Variants in BCL6 observed in about 807,000 individuals in gnomAD.
The protein encoded by BCL6 is BCL6 transcription repressor.
BCL6 carries 7 observed loss-of-function variants against 59.5 expected under a neutral mutation model. The ratio of observed to expected loss-of-function variants is 0.12; its 90% CI spans 0.07 to 0.22. The LOEUF is 0.22. BCL6 is among the 10% of genes least tolerant of loss of function. The pLI, the probability that BCL6 is intolerant of heterozygous loss-of-function variation, is 1.00. For missense variants in BCL6, 685 were observed against 939.4 expected (o/e 0.73, Z 3.54); for synonymous variants, 339 against 349.7 (o/e 0.97, Z 0.34).
chr3:187,732,525 G>A (rs771517891), intron 3 of BCL6: 39 of 181,688 alleles, frequency 2.1e-4, no homozygotes, highest in Admixed American at 4.2e-4. Context: ...GTCTGGTGGT[G>A]GAAAGAGTAC....
At chr3:187,731,992 A>C in intron 3 of BCL6, 62 bp from the exon 4 acceptor site, 1 of 1,408,656 alleles carries the variant, frequency 7.1e-7, no homozygotes, top group Non-Finnish European at 9.9e-7. Context: ...CCTTACAGTC[A>C]GCACTGATAC....
intron 9 of BCL6, among the ~76,000 whole-genome samples, chr3:187,724,361 G>T (rs368143118): frequency 2.0e-5 from 3 of 152,124 alleles, no homozygotes; most frequent in Admixed American, 6.5e-5. Context: ...TATAGCTGCC[G>T]AGACCCCGCC....
At chr3:187,745,297 A>G (rs1711897299) in intron 1 of BCL6, 113 bp downstream of exon 1, 4 of 399,090 alleles carry the variant, frequency 1.0e-5, no homozygotes, top group East Asian at 7.1e-5. Context: ...AAAAAAAAAG[A>G]ATTAAAAGGT....
intron 1 of BCL6, among the ~76,000 whole-genome samples, chr3:187,743,811 C>T (rs1174374063): frequency 1.3e-5 from 2 of 151,816 alleles, no homozygotes; most frequent in African/African-American, 4.8e-5. Flanking sequence ...GGGCCGCCGC[C>T]GCCGCGCCTT....
rs1281188406 is a variant in BCL6, at chr3:187,733,196, A to T, written c.161+337T>A. On this transcript the variant is annotated intron_variant, in intron 3 of 9. Coordinates refer to ENST00000406870, the MANE Select transcript of BCL6 (RefSeq NM_001706.5). ...ATTAACTTGCTTAAGCTACTTAAAGACAAAGAAAGTTCATTTGAAATCTTT... is the reference window on the plus strand; with the variant it reads ...ATTAACTTGCTTAAGCTACTTAAAGTCAAAGAAAGTTCATTTGAAATCTTT... 5.3e-5 allele frequency among the ~76,000 whole-genome samples: 8 copies of T among 152,200 alleles called. No homozygotes were observed. The East Asian group carries it at 1.5e-3, about 29-fold the overall frequency.
At chr3:187,739,563 G>T (rs1047096208) in intron 1 of BCL6, among the ~76,000 whole-genome samples, 3 of 152,310 alleles carry the variant, frequency 2.0e-5, no homozygotes, top group African/African-American at 7.2e-5. Flanking sequence ...TTTCTATCAC[G>T]TTTCCTGCCA....
intron 1 of BCL6, among the ~76,000 whole-genome samples, chr3:187,744,988 G>A (rs1576886088): frequency 2.0e-5 from 3 of 151,726 alleles, no homozygotes; most frequent in South Asian, 2.1e-4. Context: ...CCCAAGCACT[G>A]TCTCGTCCTC....
intron 4 of BCL6, 140 bp downstream of exon 4, chr3:187,731,569 A>C: frequency 1.2e-6 from 1 of 819,540 alleles, no homozygotes; most frequent in South Asian, 1.7e-5. Flanking sequence ...TAAGAAGAGC[A>C]GAAGTGTGCA....
At chr3:187,744,425 G>C (rs1357513954) in intron 1 of BCL6, among the ~76,000 whole-genome samples, 1 of 151,454 alleles carries the variant, frequency 6.6e-6, no homozygotes, top group East Asian at 2.0e-4. Flanking sequence ...AACCAAGAAA[G>C]AATAATTTTC....
chr3:187,722,061 C>T lies in BCL6; in HGVS notation c.*397G>A, dbSNP rs1718447217. 4.8e-5 allele frequency: 11 copies of T among 229,878 alleles called. No homozygotes were observed. The South Asian group carries it at 1.8e-3, about 38-fold the overall frequency. The allele number at this position is 229,878 out of a possible 1,614,324, so 14.2% of individuals were successfully genotyped here. On this transcript the variant is annotated 3_prime_UTR_variant, in exon 10 of 10. Transcript: ENST00000406870. Reference sequence around the variant, plus strand: ...CTTTGACAACATACTGAAGTCTTGTCTTTTAAAAGAATGCACATTTACATA... The same window carrying T: ...CTTTGACAACATACTGAAGTCTTGTTTTTTAAAAGAATGCACATTTACATA...
rs530312701 is a variant in BCL6 at position 187,726,944 on chromosome 3, G to A, written c.1541-46C>T. The A allele has an allele frequency of 3.1e-6, 5 of 1,603,694 alleles. No individual in the cohort carries two copies. The African/African-American group carries it at 4.0e-5, about 13-fold the overall frequency. On this transcript the variant is annotated intron_variant, in intron 6 of 9. Coordinates refer to ENST00000406870, the MANE Select transcript of BCL6 (RefSeq NM_001706.5). ...GACACCAAAGTCAGCACGAGGAAGG[G>A]AGGTAGGGCTCTAAGGCCGCTCTCC...
chr3:187,742,221 T>C (rs1711632048), intron 1 of BCL6, among the ~76,000 whole-genome samples: 1 of 152,176 alleles, frequency 6.6e-6, no homozygotes, highest in Non-Finnish European at 1.5e-5. Context: ...CCGCCTCCTC[T>C]ATATCTCTTA....
chr3:187,740,683 T>C (rs1314063569), intron 1 of BCL6, among the ~76,000 whole-genome samples: 1 of 152,190 alleles, frequency 6.6e-6, no homozygotes, highest in Non-Finnish European at 1.5e-5. Context: ...CGGGCCTGTT[T>C]CCTCAACTGC....
intron 1 of BCL6, among the ~76,000 whole-genome samples, chr3:187,744,177 C>A (rs1711755526): frequency 6.6e-6 from 1 of 152,188 alleles, no homozygotes; most frequent in African/African-American, 2.4e-5. Flanking sequence ...TGGGAGCCAA[C>A]ACAGAGTCAC....
intron 1 of BCL6, among the ~76,000 whole-genome samples, chr3:187,744,549 T>G (rs139122438): frequency 3.9e-5 from 6 of 152,142 alleles, no homozygotes; most frequent in South Asian, 2.1e-4. Flanking sequence ...GTAGACACGA[T>G]ACTTCATCTC....
At chr3:187,741,510 G>T (rs939386119) in intron 1 of BCL6, among the ~76,000 whole-genome samples, 9 of 152,094 alleles carry the variant, frequency 5.9e-5, no homozygotes, top group Non-Finnish European at 1.2e-4. Flanking sequence ...GTGGGGAGTC[G>T]GGTATGGTCT....
chr3:187,738,251 C>T (rs1719382950), intron 1 of BCL6, among the ~76,000 whole-genome samples: 1 of 152,168 alleles, frequency 6.6e-6, no homozygotes, highest in Admixed American at 6.5e-5. Flanking sequence ...GCCTTCCATT[C>T]TCCCTCACCC....
chr3:187,722,742 T>G, intron 9 of BCL6, 141 bp from the exon 10 acceptor site: 1 of 1,049,904 alleles, frequency 9.5e-7, no homozygotes, highest in Admixed American at 2.9e-5. Context: ...AGAACCCATA[T>G]GCATCCGGGC....
In BCL6 at chr3:187,729,453, G is replaced by C; in HGVS notation, c.952C>G (p.Pro318Ala). The change falls in exon 5 of 10, where the codon CCC (proline) becomes GCC (alanine). Residue 318 changes from proline (P) to alanine (A), a missense_variant. By Grantham distance (27) the Pro-to-Ala change is conservative. This residue lies in a region of BCL6 where 268 missense variants were observed against 263.8 expected (regional missense o/e 1.02). Coordinates refer to ENST00000406870, the MANE Select transcript of BCL6 (RefSeq NM_001706.5). This position sits in a 1 kb window ranked among gnomAD's most constrained non-coding sequence, Gnocchi z 5.6. ...TTCCGGTTCAGGGGTGCATTGGGGG[G>C]CTCGAAATGCAGGGCAATCTCATCT... The part of the protein sequence containing the change: ...SEDEIALHFE[P>A]PNAPLNRKGL... The C allele has an allele frequency of 6.2e-7, 1 of 1,609,662 alleles. No homozygotes were observed. The highest frequency in any genetic ancestry group is 8.5e-7 in the Non-Finnish European group (1 of 1,177,424).
Sources: allele counts gnomAD v4.1 joint callset (sites outside exome capture counted in the v4.1 genomes callset), GRCh38; gene constraint gnomAD v4.1.1; regional missense constraint gnomAD v4.1.1; non-coding constraint Gnocchi (gnomAD v3.1); transcripts MANE v1.5; gene names NCBI Gene and HGNC (gene_info 2026-07-23, HGNC 2026-07-21).